Variants in VRK2 observed in about 807,000 individuals in gnomAD.
VRK2 encodes the protein VRK serine/threonine kinase 2.
VRK2 carries 60 observed loss-of-function variants against 57.6 expected under a neutral mutation model. The observed-to-expected ratio is 1.04, with a 90% CI of 0.85 to 1.29. VRK2 has a LOEUF of 1.29. Ranked by LOEUF, VRK2 falls within the 50% of genes most tolerant of loss-of-function variation. The pLI is 0.00. For synonymous variants in VRK2, 231 were observed against 199.2 expected (o/e 1.16, Z -1.35); for missense variants, 705 against 588.1 (o/e 1.20, Z -2.06).
intron 12 of VRK2, among the ~76,000 whole-genome samples, chr2:58,152,010 C>T (rs1242958003): frequency 6.6e-6 from 1 of 151,512 alleles, no homozygotes; most frequent in African/African-American, 2.4e-5. Context: ...CCCTGCTCAG[C>T]ACAATCCTGC....
chr2:57,946,701 T>G (rs926879555), intron 1 of VRK2, among the ~76,000 whole-genome samples: 1 of 152,188 alleles, frequency 6.6e-6, no homozygotes, highest in African/African-American at 2.4e-5. Context: ...ATAGACTTGA[T>G]AAAAACCAGA....
chr2:57,965,042 TG>T (rs1424559760), intron 1 of VRK2, among the ~76,000 whole-genome samples: 1 of 152,194 alleles, frequency 6.6e-6, no homozygotes, highest in Non-Finnish European at 1.5e-5. Flanking sequence ...AAATAAACTT[TG>T]GATCATTTAT....
rs775640717 is a variant in VRK2, at chr2:58,146,336, A to G, written c.1044A>G (p.Ala348=). 1.2e-6 allele frequency: 2 copies of G among 1,610,554 alleles called. No individual in the cohort carries two copies. The highest frequency in any genetic ancestry group is 1.7e-6 in the Non-Finnish European group (2 of 1,177,730). Residue 348 remains alanine (A), a synonymous_variant, in exon 12 of 13, where the codon GCA becomes GCG. Transcript: ENST00000340157. ...AACAGGTTGATTCACAAAAGGCTGC[A>G]ACAAAGCAAGTCAACAAGGCACACA... is the stretch of plus-strand genomic sequence containing the variant. ...NSQKVDSQKA[A]TKQVNKAHNR... is the part of the protein sequence containing the mutation.
intron 2 of VRK2, among the ~76,000 whole-genome samples, chr2:58,056,098 C>T (rs1046381348): frequency 6.6e-6 from 1 of 152,012 alleles, no homozygotes; most frequent in Non-Finnish European, 1.5e-5. Context: ...TCCCCCACCC[C>T]CTAAAAGAGG....
intron 1 of VRK2, among the ~76,000 whole-genome samples, chr2:57,936,289 G>T (rs1054521433): frequency 1.3e-4 from 19 of 151,962 alleles, no homozygotes; most frequent in African/African-American, 4.4e-4. Flanking sequence ...ATTTAATTTT[G>T]TCAACATAAT....
chr2:58,102,718 A>G (rs1674171680), intron 7 of VRK2, among the ~76,000 whole-genome samples: 1 of 151,668 alleles, frequency 6.6e-6, no homozygotes, highest in African/African-American at 2.4e-5. Flanking sequence ...CAGCAAGGAA[A>G]CTAGACTTAA....
chr2:57,949,328 G>A (rs1329819409), intron 1 of VRK2, among the ~76,000 whole-genome samples: 9 of 152,074 alleles, frequency 5.9e-5, no homozygotes, highest in Admixed American at 5.9e-4. Context: ...ACCCTGCATC[G>A]AGTAAGTCTA....
intron 1 of VRK2, among the ~76,000 whole-genome samples, chr2:57,954,516 T>G (rs1012579107): frequency 5.9e-5 from 9 of 152,114 alleles, no homozygotes; most frequent in African/African-American, 1.4e-4. Flanking sequence ...AAGCTGAATC[T>G]TCAATATGCA....
At chr2:58,019,526 T>G (rs1203793092) in intron 1 of VRK2, among the ~76,000 whole-genome samples, 1 of 152,192 alleles carries the variant, frequency 6.6e-6, no homozygotes, top group African/African-American at 2.4e-5. Context: ...TGTAACTTGA[T>G]CCATCTTTGA....
At chr2:57,964,682 G>A (rs778228377) in intron 1 of VRK2, among the ~76,000 whole-genome samples, 3 of 151,738 alleles carry the variant, frequency 2.0e-5, no homozygotes, top group Non-Finnish European at 4.4e-5. Flanking sequence ...GTCAGGAGTT[G>A]GGAGACCAGC....
intron 10 of VRK2, among the ~76,000 whole-genome samples, chr2:58,137,275 G>GTA (rs901390623): frequency 1.4e-4 from 4 of 27,794 alleles, no homozygotes; most frequent in Admixed American, 4.6e-4. Flanking sequence ...ATATGTGTTT[G>GTA]TATATATATC....
At chr2:57,986,270 G>T (rs928722377) in intron 1 of VRK2, among the ~76,000 whole-genome samples, 3 of 151,880 alleles carry the variant, frequency 2.0e-5, no homozygotes, top group Non-Finnish European at 4.4e-5. Context: ...ATGCTCATAG[G>T]TTGAAAGACA....
In VRK2 at chr2:58,159,635, A is replaced by G. The variant is rs1228793029; in HGVS notation, c.1469A>G (p.Tyr490Cys). 6.2e-7 allele frequency: 1 copy of G among 1,613,794 alleles called. No homozygotes were observed. The highest frequency in any genetic ancestry group is 1.1e-5 in the South Asian group (1 of 91,076). ...SEETNADVYYYRIIIPVLLML... is the reference protein window; with the variant it reads ...SEETNADVYYCRIIIPVLLML... ...GAGACAAACGCAGATGTTTATTATTATCGCATCATCATACCTGTCCTTTTG... is the reference window on the plus strand; with the variant it reads ...GAGACAAACGCAGATGTTTATTATTGTCGCATCATCATACCTGTCCTTTTG... Residue 490 changes from tyrosine to cysteine, a missense_variant, in exon 13 of 13, where the codon TAT becomes TGT. By Grantham distance (194) the Tyr-to-Cys change is radical. Transcript: ENST00000340157.
intron 1 of VRK2, among the ~76,000 whole-genome samples, chr2:57,914,076 T>C (rs2103889232): frequency 6.6e-6 from 1 of 152,164 alleles, no homozygotes; most frequent in Non-Finnish European, 1.5e-5. Context: ...TATAGAATAT[T>C]AATGTTTTGA....
exon 3 of VRK2, chr2:58,033,361 G>T (rs1008258634): frequency 6.6e-6 from 1 of 152,056 alleles, no homozygotes; most frequent in African/African-American, 2.4e-5. Flanking sequence ...GAAGGAAGAA[G>T]GAGGGTTCAA....
chr2:58,071,478 A>T (rs1464226847), intron 2 of VRK2, among the ~76,000 whole-genome samples: 3 of 152,034 alleles, frequency 2.0e-5, no homozygotes, highest in African/African-American at 7.2e-5. Flanking sequence ...ATTTTTATGA[A>T]AGATCAGTGT....
intron 8 of VRK2, among the ~76,000 whole-genome samples, chr2:58,125,163 C>G (rs1383041559): frequency 1.3e-5 from 2 of 152,022 alleles, no homozygotes; most frequent in African/African-American, 4.8e-5. Context: ...TCATTTATTT[C>G]AACTGGTAGC....
chr2:57,924,646 C>A (rs1210470057), intron 1 of VRK2, among the ~76,000 whole-genome samples: 1 of 151,966 alleles, frequency 6.6e-6, no homozygotes. Context: ...ACATCATCTG[C>A]AAGTAAGGAT....
chr2:58,009,078 T>G (rs972633617), intron 1 of VRK2, among the ~76,000 whole-genome samples: 6 of 152,106 alleles, frequency 3.9e-5, no homozygotes, highest in African/African-American at 1.4e-4. Flanking sequence ...AATGACCTCT[T>G]AAAGGCCTCG....
Sources: allele counts gnomAD v4.1 joint callset (sites outside exome capture counted in the v4.1 genomes callset), GRCh38; gene constraint gnomAD v4.1.1; transcripts MANE v1.5; gene names NCBI Gene and HGNC (gene_info 2026-07-23, HGNC 2026-07-21).